The following UBE3D variants were observed in gnomAD, a reference collection of about 807,000 sequenced individuals.
UBE3D encodes E3 ubiquitin-protein ligase E3D.
UBE3D carries 48 observed loss-of-function variants against 49.6 expected under a neutral mutation model. The observed-to-expected ratio is 0.97, with a 90% CI of 0.77 to 1.23. The LOEUF (loss-of-function observed/expected upper bound fraction) is 1.23. UBE3D is among the 50% of genes most tolerant of loss of function. The pLI is 0.00. For synonymous variants in UBE3D, 189 were observed against 174.2 expected (o/e 1.08, Z -0.67); for missense variants, 452 against 468.4 (o/e 0.96, Z 0.32).
chr6:83,060,581 C>T (rs1784111333), intron 1 of UBE3D, among the ~76,000 whole-genome samples: 1 of 152,188 alleles, frequency 6.6e-6, no homozygotes, highest in African/African-American at 2.4e-5. Flanking sequence ...GATGAGTACA[C>T]TTAGTGCCCA....
chr6:82,891,028 G>C (rs1460261781), downstream of UBE3D, among the ~76,000 whole-genome samples: 3 of 151,860 alleles, frequency 2.0e-5, no homozygotes, highest in Admixed American at 6.6e-5. Context: ...ACACATAAAG[G>C]CATTCACCAC....
At chr6:82,940,711 C>G (rs1411542318) in intron 9 of UBE3D, among the ~76,000 whole-genome samples, 2 of 152,122 alleles carry the variant, frequency 1.3e-5, no homozygotes, top group Non-Finnish European at 2.9e-5. Flanking sequence ...ATAACAGGAC[C>G]CTGAGACCCT....
At chr6:82,909,461 C>A (rs1048015560) in intron 9 of UBE3D, among the ~76,000 whole-genome samples, 8 of 152,190 alleles carry the variant, frequency 5.3e-5, no homozygotes, top group African/African-American at 1.9e-4. Flanking sequence ...CTAAGCCATT[C>A]AAGAGATATT....
chr6:82,894,474 A>G (rs1388903486), intron 9 of UBE3D, among the ~76,000 whole-genome samples: 2 of 151,954 alleles, frequency 1.3e-5, no homozygotes, highest in Admixed American at 6.6e-5. Context: ...ACCCATACCT[A>G]TAAGTACCCC....
chr6:82,963,792 CAACT>C lies in UBE3D; in HGVS notation c.1011-6346_1011-6343del, dbSNP rs539929927. Among the ~76,000 whole-genome samples the C allele has an allele frequency of 5.0e-3, 761 of 152,182 alleles. 4 individuals carry two copies. The highest frequency in any genetic ancestry group is 0.014 in the Middle Eastern group (4 of 294). ...GATCAACATTTTTCATCCTTCAACCCAACTGAGTTGACATTCAGTATGAACCATC... is the reference window on the plus strand; with the variant it reads ...GATCAACATTTTTCATCCTTCAACCCGAGTTGACATTCAGTATGAACCATC... On this transcript the variant is annotated intron_variant, in intron 8 of 9. Coordinates refer to ENST00000369747, the MANE Select transcript of UBE3D (RefSeq NM_198920.3).
chr6:83,034,389 A>G (rs1201165677), intron 5 of UBE3D, among the ~76,000 whole-genome samples: 1 of 152,214 alleles, frequency 6.6e-6, no homozygotes, highest in Non-Finnish European at 1.5e-5. Context: ...CCTGCAGTGA[A>G]TAACTGCTTC....
intron 8 of UBE3D, among the ~76,000 whole-genome samples, chr6:82,957,786 G>A (rs1776270029): frequency 6.6e-6 from 1 of 152,116 alleles, no homozygotes; most frequent in African/African-American, 2.4e-5. Flanking sequence ...TCTATGCCCT[G>A]TTCTACATGT....
At chr6:83,033,909 G>A (rs1782056912) in intron 5 of UBE3D, among the ~76,000 whole-genome samples, 1 of 152,056 alleles carries the variant, frequency 6.6e-6, no homozygotes. Flanking sequence ...GTAAAGCTGT[G>A]GGCTTTTCCT....
At chr6:83,045,881 T>G (rs1167085717) in intron 3 of UBE3D, among the ~76,000 whole-genome samples, 1 of 152,174 alleles carries the variant, frequency 6.6e-6, no homozygotes, top group Non-Finnish European at 1.5e-5. Flanking sequence ...GTCTCCCTAG[T>G]CTCGTCTGGT....
At chr6:83,013,001 T>C (rs1268936643) in intron 8 of UBE3D, among the ~76,000 whole-genome samples, 1 of 152,184 alleles carries the variant, frequency 6.6e-6, no homozygotes, top group Non-Finnish European at 1.5e-5. Context: ...ATGAGGCCAC[T>C]GGTGTAGGCT....
intron 8 of UBE3D, among the ~76,000 whole-genome samples, chr6:82,985,348 G>T (rs75041516): frequency 6.6e-6 from 1 of 151,544 alleles, no homozygotes; most frequent in Non-Finnish European, 1.5e-5. Flanking sequence ...ATGTGGTTTT[G>T]TTTTTTTGTT....
At chr6:82,957,176 C>T in intron 9 of UBE3D, 136 bp downstream of exon 9, 2 of 862,654 alleles carry the variant, frequency 2.3e-6, no homozygotes, top group Non-Finnish European at 3.5e-6. Flanking sequence ...ATAGACAAAG[C>T]AATACATGCA....
intron 1 of UBE3D, among the ~76,000 whole-genome samples, chr6:83,059,108 G>A (rs1241739874): frequency 6.6e-6 from 1 of 152,090 alleles, no homozygotes; most frequent in African/African-American, 2.4e-5. Context: ...TCAGCAGGTC[G>A]AGGTAGCTCA....
chr6:82,965,805 C>T (rs960493848), intron 8 of UBE3D, among the ~76,000 whole-genome samples: 3 of 151,950 alleles, frequency 2.0e-5, no homozygotes, highest in Non-Finnish European at 2.9e-5. Flanking sequence ...CCCATGTACC[C>T]AAGACCCAGC....
rs369448977 is a variant in UBE3D at position 83,032,436 on chromosome 6, T to C, written c.667+5980A>G. The C allele has an allele frequency of 1.9e-3, 700 of 364,352 alleles. 3 individuals are homozygous for C. Among genetic ancestry groups the C allele is most frequent in the African/African-American group, 0.014 (648 of 47,122 alleles). 22.6% of individuals were successfully genotyped at this position (364,352 alleles called of 1,614,324 possible). ...GCCAATTTCTCCTATTTGGAATGGG[T>C]GTATTTACCCAATGCCTGTACCCCC... On this transcript the variant is annotated intron_variant, in intron 5 of 9. Transcript: ENST00000369747.
intron 8 of UBE3D, among the ~76,000 whole-genome samples, chr6:82,992,191 T>G (rs557148050): frequency 2.7e-4 from 41 of 151,768 alleles, no homozygotes; most frequent in Non-Finnish European, 5.3e-4. Context: ...TCTGTACCTT[T>G]GTACCTTTAA....
rs757284113 is a variant in UBE3D at position 82,957,366 on chromosome 6, C to T, written c.1095G>A (p.Leu365=). ...SATCLELLLI[L]SKSNANLPSS... ...AAGGCAGATTGGCATTACTCTTTGA[C>T]AATATCAACAGCAGCTCCAAGCAGG... is the stretch of plus-strand genomic sequence containing the variant. Residue 365 remains leucine, a synonymous_variant, in exon 9 of 10, where the codon TTG becomes TTA. Coordinates refer to ENST00000369747, the MANE Select transcript of UBE3D (RefSeq NM_198920.3). 3.7e-6 allele frequency: 6 copies of T among 1,613,986 alleles called. No homozygotes were observed. Among genetic ancestry groups the T allele is most frequent in the Admixed American group, 1.7e-5 (1 of 59,980 alleles).
intron 1 of UBE3D, 78 bp downstream of exon 1, chr6:83,065,564 G>T: frequency 7.3e-7 from 1 of 1,377,904 alleles, no homozygotes; most frequent in Non-Finnish European, 1.0e-6. Context: ...CCCTCGTACA[G>T]AGAGAGACTC....
intron 3 of UBE3D, among the ~76,000 whole-genome samples, chr6:83,052,808 T>G (rs545699952): frequency 4.6e-5 from 7 of 152,304 alleles, no homozygotes; most frequent in African/African-American, 9.6e-5. Flanking sequence ...CAGAGCCTGA[T>G]GCATTTGAGA....
Sources: allele counts gnomAD v4.1 joint callset (sites outside exome capture counted in the v4.1 genomes callset), GRCh38; gene constraint gnomAD v4.1.1; transcripts MANE v1.5; gene names NCBI Gene and HGNC (gene_info 2026-07-23, HGNC 2026-07-21).